TSNARE1: variants seen among roughly 807,000 people sequenced by gnomAD.
TSNARE1 encodes the protein t-SNARE domain-containing protein 1.
In TSNARE1, 49 loss-of-function variants were observed where a neutral mutation model predicts 62.0. That is an observed-to-expected ratio of 0.79 (90% confidence interval 0.63 to 1.00). TSNARE1 has a LOEUF of 1.00. Among genes scored for constraint, TSNARE1 ranks in the 50% least tolerant of loss-of-function variants. The pLI is 0.00. For synonymous variants in TSNARE1, 328 were observed against 294.4 expected (o/e 1.11, Z -1.17); for missense variants, 755 against 700.1 (o/e 1.08, Z -0.88).
intron 12 of TSNARE1, chr8:142,274,476 C>T (rs1422636422): frequency 1.1e-5 from 11 of 985,350 alleles, no homozygotes; most frequent in Non-Finnish European, 1.2e-5. Context: ...GGAGGTGGAG[C>T]GGGAAGGCCC....
At chr8:142,335,643 A>C (rs1007385615) in intron 4 of TSNARE1, among the ~76,000 whole-genome samples, 8 of 152,202 alleles carry the variant, frequency 5.3e-5, no homozygotes, top group Non-Finnish European at 4.4e-5. Context: ...GGGGGAAAAA[A>C]AGGAAATATA....
chr8:142,231,983 G>C (rs983161876), intron 12 of TSNARE1, among the ~76,000 whole-genome samples: 10 of 152,346 alleles, frequency 6.6e-5, no homozygotes, highest in African/African-American at 2.4e-4. Context: ...GGAACCATGC[G>C]TGGGGGTCTC....
chr8:142,343,585 G>T (rs1393856488), intron 4 of TSNARE1, among the ~76,000 whole-genome samples: 2 of 151,672 alleles, frequency 1.3e-5, no homozygotes, highest in African/African-American at 4.9e-5. Context: ...GTGAGGGACA[G>T]GCCAAGTCAA....
intron 1 of TSNARE1, among the ~76,000 whole-genome samples, chr8:142,391,276 A>G (rs1245924163): frequency 6.7e-6 from 1 of 148,464 alleles, no homozygotes; most frequent in Non-Finnish European, 1.5e-5. Context: ...GACGCTGTAC[A>G]CTGCTGGGGA....
Position 142,314,985 on chromosome 8 carries a change from C to A in TSNARE1, c.1074+18G>T. 7 of 1,613,360 alleles carry A rather than the reference C, an allele frequency of 4.3e-6. No individual in the cohort carries two copies. The highest frequency in any genetic ancestry group is 5.9e-6 in the Non-Finnish European group (7 of 1,179,278). ...CCACCTGGCCTGCAGACCCCCACTG[C>A]CCCCACCAGCACCTCACCTTCTGCA... On this transcript the variant is annotated intron_variant, in intron 8 of 13. Coordinates refer to ENST00000524325, the MANE Select transcript of TSNARE1 (RefSeq NM_145003.5).
rs13270218 is a variant in TSNARE1, at chr8:142,227,388, A to T, written c.*11+2085T>A. On this transcript the variant is annotated intron_variant, in intron 13 of 13. Coordinates refer to ENST00000524325, the MANE Select transcript of TSNARE1 (RefSeq NM_145003.5). ...TGACAGCCAGGACCCCCATCCTGCC[A>T]ATAGCCCCAGTGACAGCCAGGAGCC... 1.9e-4 allele frequency among the ~76,000 whole-genome samples: 5 copies of T among 25,900 alleles called. No individual in the cohort carries two copies. In the East Asian group the frequency reaches 4.2e-3, roughly 22 times the overall value. 17.0% of individuals were successfully genotyped at this position (25,900 alleles called of 152,430 possible).
chr8:142,290,446 T>C (rs1475901666), intron 10 of TSNARE1, among the ~76,000 whole-genome samples: 3 of 152,254 alleles, frequency 2.0e-5, no homozygotes, highest in East Asian at 1.9e-4. Flanking sequence ...CTTTCTCTTC[T>C]TTCACTGGCA....
chr8:142,218,082 G>C lies in TSNARE1; in HGVS notation c.*12-5769C>G, dbSNP rs557099038. ...AGAGTGTGAGCAGGATCAGGGTTCA[G>C]AGAGTGGCCAGGTCAGGGCTCAGTG... On this transcript the variant is annotated intron_variant, in intron 13 of 13. Coordinates refer to ENST00000524325, the MANE Select transcript of TSNARE1 (RefSeq NM_145003.5). Among the ~76,000 whole-genome samples the C allele has an allele frequency of 2.7e-5, 2 of 74,282 alleles. 1 individual carries two copies. The highest frequency in any genetic ancestry group is 5.6e-5 in the Non-Finnish European group (2 of 35,504). 48.7% of individuals were successfully genotyped at this position (74,282 alleles called of 152,430 possible). A position where few individuals can be genotyped will look rare whatever the true frequency, so the allele number is the denominator to read the frequency against.
At chr8:142,336,053 T>C (rs904043799) in intron 4 of TSNARE1, among the ~76,000 whole-genome samples, 5 of 152,092 alleles carry the variant, frequency 3.3e-5, no homozygotes, top group African/African-American at 4.8e-5. Context: ...GAGGCTAAGA[T>C]AGGAGGATCA....
At chr8:142,397,954 TG>T (rs1838012567) in intron 1 of TSNARE1, among the ~76,000 whole-genome samples, 1 of 152,004 alleles carries the variant, frequency 6.6e-6, no homozygotes, top group African/African-American at 2.4e-5. Context: ...AACCTCAGCC[TG>T]GGCCCCGGGT....
rs181999584 is a variant in TSNARE1 at position 142,280,040 on chromosome 8, G to A, written c.1363+4373C>T. The A allele has an allele frequency of 4.1e-4, 504 of 1,232,620 alleles. 8 individuals are homozygous for A. The East Asian group carries it at 0.032, about 79-fold the overall frequency. The allele number at this position is 1,232,620 out of a possible 1,614,324, so 76.4% of individuals were successfully genotyped here. A position where few individuals can be genotyped will look rare whatever the true frequency, so the allele number is the denominator to read the frequency against. ...TGCTTGAGGTCCCCCAGGTCGCGGC[G>A]GCAGTAGCCCAGCGCGTTCACTGCC... On this transcript the variant is annotated intron_variant, in intron 11 of 13. Transcript: ENST00000524325.
At chr8:142,382,067 C>T (rs1331889450) in intron 1 of TSNARE1, among the ~76,000 whole-genome samples, 3 of 152,208 alleles carry the variant, frequency 2.0e-5, no homozygotes, top group Non-Finnish European at 4.4e-5. Flanking sequence ...CCCACGCGCC[C>T]CTGCCAGCAT....
chr8:142,304,822 G>A (rs555526358), intron 9 of TSNARE1, among the ~76,000 whole-genome samples: 19 of 152,316 alleles, frequency 1.2e-4, no homozygotes, highest in South Asian at 1.0e-3. Context: ...GGGTAGAGAC[G>A]TTCCTCCCAG....
chr8:142,350,544 GTTC>G (rs933631802), intron 2 of TSNARE1, among the ~76,000 whole-genome samples: 1 of 152,170 alleles, frequency 6.6e-6, no homozygotes, highest in Non-Finnish European at 1.5e-5. Context: ...ACATAATCCT[GTTC>G]TTCCACAAAC....
chr8:142,326,670 C>G (rs1830326651), intron 6 of TSNARE1, among the ~76,000 whole-genome samples: 1 of 150,496 alleles, frequency 6.6e-6, no homozygotes, highest in Non-Finnish European at 1.5e-5. Flanking sequence ...AGGGGAGGGC[C>G]CCAGAGAGCA....
chr8:142,345,695 C>T, intron 3 of TSNARE1, 48 bp downstream of exon 3: 1 of 1,500,648 alleles, frequency 6.7e-7, no homozygotes, highest in Non-Finnish European at 8.9e-7. Flanking sequence ...CCTGCATCTC[C>T]AAGCCGCCTT....
intron 1 of TSNARE1, among the ~76,000 whole-genome samples, chr8:142,398,077 T>C (rs1313798067): frequency 6.6e-6 from 1 of 152,106 alleles, no homozygotes; most frequent in Non-Finnish European, 1.5e-5. Context: ...AGCACTGCTG[T>C]GCCTTCCCTT....
chr8:142,344,976 G>A (rs761102728), intron 3 of TSNARE1, among the ~76,000 whole-genome samples: 4 of 152,168 alleles, frequency 2.6e-5, no homozygotes, highest in East Asian at 1.9e-4. Context: ...GGCCAGGGCC[G>A]GTGGGGACAC....
intron 4 of TSNARE1, among the ~76,000 whole-genome samples, chr8:142,337,761 G>C (rs1831963113): frequency 6.6e-6 from 1 of 152,214 alleles, no homozygotes; most frequent in Non-Finnish European, 1.5e-5. Context: ...GCCCCGACTG[G>C]GCCAACTCAT....
Sources: allele counts gnomAD v4.1 joint callset (sites outside exome capture counted in the v4.1 genomes callset), GRCh38; gene constraint gnomAD v4.1.1; transcripts MANE v1.5; gene names NCBI Gene and HGNC (gene_info 2026-07-23, HGNC 2026-07-21).